Variants in DLG2 observed in about 807,000 individuals in gnomAD.
The protein encoded by DLG2 is discs large MAGUK scaffold protein 2, also known as disks large homolog 2.
DLG2 carries 45 observed loss-of-function variants against 132.5 expected under a neutral mutation model. The ratio of observed to expected loss-of-function variants is 0.34; its 90% CI spans 0.27 to 0.44. The LOEUF (loss-of-function observed/expected upper bound fraction) is 0.44, where lower values mean the gene tolerates loss of function less well. Among genes scored for constraint, DLG2 ranks in the 20% least tolerant of loss-of-function variants. The pLI is 1.00. For missense variants in DLG2, 1,045 were observed against 1,196.9 expected, an observed-to-expected ratio of 0.87 and a Z score of 1.87; for synonymous variants, 424 against 419.6, an observed-to-expected ratio of 1.01 and a Z score of -0.13.
chr11:84,097,851 T>C (rs1411023736), intron 10 of DLG2, among the ~76,000 whole-genome samples: 1 of 152,136 alleles, frequency 6.6e-6, no homozygotes, highest in Non-Finnish European at 1.5e-5. Context: ...TTTTCCAACC[T>C]ATAGTGCCTT....
chr11:85,531,694 A>G (rs908245969), intron 3 of DLG2, among the ~76,000 whole-genome samples: 1 of 152,218 alleles, frequency 6.6e-6, no homozygotes, highest in Non-Finnish European at 1.5e-5. Flanking sequence ...GGCATGATAC[A>G]ATAAAGTGAG....
chr11:85,340,347 G>C (rs2082400542), intron 3 of DLG2, among the ~76,000 whole-genome samples: 1 of 152,188 alleles, frequency 6.6e-6, no homozygotes, highest in Non-Finnish European at 1.5e-5. Flanking sequence ...CAGGGACATG[G>C]ATGAAGCTGG....
At chr11:83,531,669 T>C (rs1432058) in intron 21 of DLG2, among the ~76,000 whole-genome samples, 103,121 of 151,866 alleles carry the variant, frequency 0.68, 35,831 homozygotes, top group African/African-American at 0.81. Flanking sequence ...GAAATAAAAA[T>C]ATATGTCACA....
intron 18 of DLG2, among the ~76,000 whole-genome samples, chr11:83,714,916 T>C (rs2086332942): frequency 3.3e-5 from 5 of 152,204 alleles, no homozygotes; most frequent in Admixed American, 3.3e-4. Flanking sequence ...ACTAGGTATA[T>C]ACCCAAAGGA....
chr11:83,702,902 G>C (rs1273269741), intron 18 of DLG2, among the ~76,000 whole-genome samples: 1 of 152,208 alleles, frequency 6.6e-6, no homozygotes, highest in Non-Finnish European at 1.5e-5. Context: ...TTAAGGAGGT[G>C]ATGGGAAGAA....
intron 18 of DLG2, among the ~76,000 whole-genome samples, chr11:83,783,623 G>A (rs186050377): frequency 1.3e-5 from 2 of 152,144 alleles, no homozygotes; most frequent in East Asian, 3.9e-4. Flanking sequence ...ATACCAAGTA[G>A]GACACCAGAG....
intron 18 of DLG2, among the ~76,000 whole-genome samples, chr11:83,702,259 T>A (rs2083090600): frequency 6.6e-6 from 1 of 152,092 alleles, no homozygotes; most frequent in Admixed American, 6.6e-5. Context: ...TTTAATGGGG[T>A]GTGGTGAAAT....
chr11:85,501,718 G>C (rs2093808547), intron 3 of DLG2, among the ~76,000 whole-genome samples: 1 of 152,108 alleles, frequency 6.6e-6, no homozygotes, highest in Non-Finnish European at 1.5e-5. Context: ...ACCACAATTA[G>C]ATACCATCTC....
In DLG2 at chr11:85,598,708, C is replaced by G. The variant is rs772452316; in HGVS notation, c.-12G>C. The G allele has an allele frequency of 2.3e-5, 36 of 1,577,950 alleles. No homozygotes were observed. Among genetic ancestry groups the G allele is most frequent in the Non-Finnish European group, 3.1e-5 (36 of 1,164,512 alleles). On this transcript the variant is annotated 5_prime_UTR_variant, in exon 3 of 28. Coordinates refer to ENST00000376104, the MANE Select transcript of DLG2 (RefSeq NM_001142699.3). ...TTAAAGATACCCATCACCTTTTTAACCGCATTTTTCAACAGCTGCTCCTCT... is the reference window on the plus strand; with the variant it reads ...TTAAAGATACCCATCACCTTTTTAAGCGCATTTTTCAACAGCTGCTCCTCT...
chr11:83,738,752 C>T (rs1434721272), intron 18 of DLG2, among the ~76,000 whole-genome samples: 2 of 152,318 alleles, frequency 1.3e-5, no homozygotes, highest in East Asian at 1.9e-4. Context: ...CGACTTCCTA[C>T]ACACCTCTCA....
At chr11:85,609,494 A>G (rs1248655147) in intron 2 of DLG2, among the ~76,000 whole-genome samples, 1 of 152,196 alleles carries the variant, frequency 6.6e-6, no homozygotes, top group Non-Finnish European at 1.5e-5. Flanking sequence ...GGAGCAGGCC[A>G]ATCACTCGGT....
chr11:85,286,005 A>T (rs1565269445), intron 3 of DLG2: 1 of 353,846 alleles, frequency 2.8e-6, no homozygotes, highest in Non-Finnish European at 5.5e-6. Flanking sequence ...GGATCCCAAG[A>T]TGAAATGCAG....
intron 3 of DLG2, among the ~76,000 whole-genome samples, chr11:85,530,091 G>A (rs1397318384): frequency 1.3e-5 from 2 of 148,728 alleles, no homozygotes; most frequent in East Asian, 2.0e-4. Flanking sequence ...CCACCTCATG[G>A]GTTCAAGCGA....
intron 6 of DLG2, among the ~76,000 whole-genome samples, chr11:84,917,060 C>T (rs991957802): frequency 1.3e-5 from 2 of 152,190 alleles, no homozygotes; most frequent in African/African-American, 4.8e-5. Flanking sequence ...TCACTATGTA[C>T]TATGTATTTT....
At chr11:84,172,322 CT>C (rs1183829834) in intron 8 of DLG2, among the ~76,000 whole-genome samples, 2 of 152,074 alleles carry the variant, frequency 1.3e-5, no homozygotes, top group African/African-American at 4.8e-5. Flanking sequence ...AAAACAATCA[CT>C]GATATTCTTA....
intron 6 of DLG2, chr11:84,923,046 T>G: frequency 6.2e-7 from 1 of 1,613,846 alleles, no homozygotes; most frequent in Non-Finnish European, 8.5e-7. Context: ...ACATGTATAT[T>G]GTGCCCAGTT....
intron 7 of DLG2, among the ~76,000 whole-genome samples, chr11:84,259,974 C>G (rs1416046966): frequency 6.6e-6 from 1 of 152,174 alleles, no homozygotes; most frequent in Non-Finnish European, 1.5e-5. Context: ...ATTTGTCTTA[C>G]TTATCCTTGA....
At chr11:84,873,881 TAATGGTC>T (rs914281798) in intron 6 of DLG2, among the ~76,000 whole-genome samples, 1 of 152,196 alleles carries the variant, frequency 6.6e-6, no homozygotes, top group African/African-American at 2.4e-5. Flanking sequence ...GAAAGATGAC[TAATGGTC>T]TAATGACAGT....
chr11:84,874,910 A>G (rs1378968124), intron 6 of DLG2, among the ~76,000 whole-genome samples: 1 of 151,398 alleles, frequency 6.6e-6, no homozygotes, highest in African/African-American at 2.4e-5. Context: ...AATCCCACCT[A>G]CTTGGGAGGC....
Sources: gnomAD v4.1 joint callset for allele counts (sites outside exome capture counted in the v4.1 genomes callset) on GRCh38, gnomAD v4.1.1 for gene constraint, MANE v1.5 for transcripts, NCBI Gene and HGNC (gene_info 2026-07-23, HGNC 2026-07-21) for gene names.